Variants in UVSSA observed in about 807,000 individuals in gnomAD.
UVSSA encodes UV stimulated scaffold protein A.
A neutral mutation model predicts 73.9 loss-of-function variants in UVSSA; 72 were observed. The ratio of observed to expected loss-of-function variants is 0.97; its 90% CI spans 0.81 to 1.19. The LOEUF is 1.19. Ranked by LOEUF, UVSSA falls within the 50% of genes most tolerant of loss-of-function variation. UVSSA has a pLI of 0.00. For synonymous variants in UVSSA, 454 were observed against 391.3 expected, an observed-to-expected ratio of 1.16 and a Z score of -1.89; for missense variants, 1,150 against 965.0, an observed-to-expected ratio of 1.19 and a Z score of -2.54.
downstream of UVSSA, chr4:1,388,633 C>T (rs1720323909): frequency 6.6e-6 from 1 of 152,022 alleles, no homozygotes; most frequent in Non-Finnish European, 1.5e-5. Flanking sequence ...AAAAAGTTAC[C>T]TTCTCCTCCT....
exon 14 of UVSSA, chr4:1,395,549 G>A (rs1368499763): frequency 2.5e-6 from 4 of 1,595,970 alleles, no homozygotes; most frequent in African/African-American, 1.5e-5. Context: ...GCTCACACGT[G>A]CCCATGTGGA....
exon 14 of UVSSA, chr4:1,395,934 C>A: frequency 6.5e-7 from 1 of 1,541,660 alleles, no homozygotes; most frequent in Non-Finnish European, 8.7e-7. Context: ...TGGTGCTTTT[C>A]GTATCAGACC....
At position 1,353,152 on chromosome 4, in the gene UVSSA, G is replaced by A. The variant is rs577559437; in HGVS notation, c.673G>A (p.Asp225Asn). 3.2e-5 allele frequency: 51 copies of A among 1,612,998 alleles called. No homozygotes were observed. Among genetic ancestry groups the A allele is most frequent in the Admixed American group, 8.3e-5 (5 of 60,022 alleles). The change falls in exon 5 of 14, where the codon GAT becomes AAT. Residue 225 changes from aspartate to asparagine, a missense_variant. Transcript: ENST00000389851. ...ESLGMASGMS[D>N]ALRSSCAGQV... ...CCTTGGCATGGCTTCTGGCATGTCCGATGCCCTTCGCTCCTCCTGCGCGGG... is the reference window on the plus strand; with the variant it reads ...CCTTGGCATGGCTTCTGGCATGTCCAATGCCCTTCGCTCCTCCTGCGCGGG...
chr4:1,392,459 A>G (rs1467946427), downstream of UVSSA: 4 of 152,260 alleles, frequency 2.6e-5, no homozygotes, highest in Admixed American at 2.0e-4. Flanking sequence ...CTTGTAGGAC[A>G]GATCTTCTAG....
chr4:1,366,472 G>C (rs1395543736), intron 8 of UVSSA, 41 bp downstream of exon 8: 3 of 1,502,984 alleles, frequency 2.0e-6, no homozygotes, highest in Non-Finnish European at 2.7e-6. Flanking sequence ...TGGGTGGAGG[G>C]TCCCCCACTC....
rs1315122387 is a variant in UVSSA, at chr4:1,353,392, C to T, written c.913C>T (p.Leu305=). 1.3e-6 allele frequency: 2 copies of T among 1,581,798 alleles called. No homozygotes were observed. The highest frequency in any genetic ancestry group is 1.3e-5 in the African/African-American group (1 of 74,276). ...CGGGCTGGGCTCGCACAAGTACACGCTGGATGTGGAGCTCTGCTCAGGTAA... is the reference window on the plus strand; with the variant it reads ...CGGGCTGGGCTCGCACAAGTACACGTTGGATGTGGAGCTCTGCTCAGGTAA... ...SHGLGSHKYT[L]DVELCSEGLK... is the part of the protein sequence containing the mutation. The change falls in exon 5 of 14, where the codon CTG becomes TTG. Residue 305 remains leucine, a synonymous_variant. Coordinates refer to ENST00000389851, the MANE Select transcript of UVSSA (RefSeq NM_020894.4).
intron 11 of UVSSA, 136 bp downstream of exon 11, chr4:1,380,366 T>C: frequency 2.5e-6 from 3 of 1,212,356 alleles, no homozygotes; most frequent in Non-Finnish European, 3.4e-6. Context: ...AAGGGGCTTA[T>C]CCGTGGTGGG....
intron 13 of UVSSA, 23 bp from the exon 14 acceptor site, chr4:1,385,845 C>T: frequency 6.2e-7 from 1 of 1,613,700 alleles, no homozygotes; most frequent in Non-Finnish European, 8.5e-7. Context: ...TCCCAGGTCA[C>T]ATCTTGCCTT....
intron 12 of UVSSA, 91 bp downstream of exon 12, chr4:1,381,079 ACCCGCT>A: frequency 8.3e-7 from 1 of 1,209,940 alleles, no homozygotes; most frequent in South Asian, 1.4e-5. Context: ...GTCACAGAGC[ACCCGCT>A]CTGCCAGCTT....
chr4:1,382,879 T>C (rs959555176), intron 12 of UVSSA, among the ~76,000 whole-genome samples: 9 of 152,178 alleles, frequency 5.9e-5, no homozygotes, highest in Non-Finnish European at 1.5e-5. Flanking sequence ...GGTGCCTCTG[T>C]AGCATTGGTG....
rs576092599 is a variant in UVSSA at position 1,361,593 on chromosome 4, C to A, written c.1177-4727C>A. 8.5e-5 allele frequency among the ~76,000 whole-genome samples: 13 copies of A among 152,376 alleles called. No homozygotes were observed. In the South Asian group the frequency reaches 2.7e-3, roughly 32 times the overall value. On this transcript the variant is annotated intron_variant, in intron 7 of 13. Coordinates refer to ENST00000389851, the MANE Select transcript of UVSSA (RefSeq NM_020894.4). ...CGCACGCTTGCTGCAGTCAGCCCTG[C>A]ACCGCTCCGCCCTCCGTCCTCTCAA...
At chr4:1,366,008 T>C (rs1717274596) in intron 7 of UVSSA, 1 of 215,538 alleles carries the variant, frequency 4.6e-6, no homozygotes, top group African/African-American at 2.3e-5. Context: ...CTCGCACCGG[T>C]GTGACGCCAT....
chr4:1,365,383 G>T (rs1289431431), intron 7 of UVSSA, among the ~76,000 whole-genome samples: 2 of 152,234 alleles, frequency 1.3e-5, no homozygotes, highest in African/African-American at 4.8e-5. Context: ...TCTTTCTCTG[G>T]CCTGATGAGA....
intron 8 of UVSSA, among the ~76,000 whole-genome samples, chr4:1,369,592 A>C (rs965007150): frequency 6.6e-6 from 1 of 152,090 alleles, no homozygotes; most frequent in African/African-American, 2.4e-5. Flanking sequence ...CCTTAATCCT[A>C]CCATTTCTGT....
downstream of UVSSA, chr4:1,392,824 A>G (rs1720437141): frequency 6.6e-6 from 1 of 152,144 alleles, no homozygotes; most frequent in African/African-American, 2.4e-5. Context: ...TTATATTGAT[A>G]TTGAATGTGG....
rs780844036 is a variant in UVSSA, at chr4:1,348,196, C to G, written c.98+7C>G. The G allele has an allele frequency of 1.2e-6, 2 of 1,607,058 alleles. No individual in the cohort carries two copies. Among genetic ancestry groups the G allele is most frequent in the South Asian group, 1.1e-5 (1 of 90,954 alleles). ...AACTGAAGAAAATTTGCAAGTATGT[C>G]TTAGGGTTCAGTAACAGTAACTGAC... is the stretch of plus-strand genomic sequence containing the variant. On this transcript the variant is annotated splice_region_variant and intron_variant, in intron 2 of 13. Coordinates refer to ENST00000389851, the MANE Select transcript of UVSSA (RefSeq NM_020894.4).
At chr4:1,382,754 G>A (rs1719652417) in intron 12 of UVSSA, among the ~76,000 whole-genome samples, 1 of 152,190 alleles carries the variant, frequency 6.6e-6, no homozygotes, top group Admixed American at 6.5e-5. Flanking sequence ...CGCTTGGGAG[G>A]CCTGGCCATC....
At chr4:1,346,791 G>C (rs1713748986), upstream of UVSSA, among the ~76,000 whole-genome samples, 2 of 152,084 alleles carry the variant, frequency 1.3e-5, no homozygotes, top group South Asian at 2.1e-4. Context: ...ACTTCCTTTC[G>C]GCCTCAGTTT....
At chr4:1,360,562 C>T (rs147510492) in intron 7 of UVSSA, among the ~76,000 whole-genome samples, 3 of 152,328 alleles carry the variant, frequency 2.0e-5, no homozygotes, top group Non-Finnish European at 2.9e-5. Context: ...GCTATGGCCG[C>T]GCCCAGAGGC....
Sources: allele counts gnomAD v4.1 joint callset (sites outside exome capture counted in the v4.1 genomes callset), GRCh38; gene constraint gnomAD v4.1.1; transcripts MANE v1.5; gene names NCBI Gene and HGNC (gene_info 2026-07-23, HGNC 2026-07-21).